The following TRIM2 variants were observed in gnomAD, a reference collection of about 807,000 sequenced individuals.
The protein encoded by TRIM2 is tripartite motif-containing protein 2.
Under a neutral mutation model 75.2 loss-of-function variants are expected in TRIM2, and 20 were observed. The ratio of observed to expected loss-of-function variants is 0.27; its 90% CI spans 0.19 to 0.39. TRIM2 has a LOEUF of 0.39. TRIM2 is among the 10% of genes least tolerant of loss of function. The probability of loss-of-function intolerance (pLI) is 1.00; values close to 1 mark genes in which losing one functional copy is unlikely to be tolerated. For synonymous variants in TRIM2, 373 were observed against 388.3 expected, an observed-to-expected ratio of 0.96 and a Z score of 0.46; for missense variants, 660 against 990.8, an observed-to-expected ratio of 0.67 and a Z score of 4.48.
intron 1 of TRIM2, among the ~76,000 whole-genome samples, chr4:153,190,901 C>T (rs1296290273): frequency 6.6e-6 from 1 of 152,012 alleles, no homozygotes; most frequent in Non-Finnish European, 1.5e-5. Flanking sequence ...TCATGCCCAG[C>T]CAATTTTTGT....
chr4:153,268,236 T>A (rs7694716), intron 1 of TRIM2, among the ~76,000 whole-genome samples: 79,404 of 151,710 alleles, frequency 0.52, 21,767 homozygotes, highest in African/African-American at 0.69. Flanking sequence ...TTAGGGAGGT[T>A]CAGACTCTTG....
Position 153,295,547 on chromosome 4 carries a change from A to G in TRIM2, c.1021A>G (p.Asn341Asp). 1 of 1,613,382 alleles carries G rather than the reference A, an allele frequency of 6.2e-7. No homozygotes were observed. The highest frequency in any genetic ancestry group is 8.5e-7 in the Non-Finnish European group (1 of 1,179,540). The stretch of plus-strand genomic sequence containing the variant: ...CGAGGGGCTGAAGAAGTCCATCCAC[A>G]ACCTCGGGACGATCTTAACCACCAA... ...ETEGLKKSIH[N>D]LGTILTTNAV... Residue 341 changes from asparagine (N) to aspartate (D), a missense_variant, in exon 6 of 12, where the codon AAC becomes GAC. Transcript: ENST00000338700. This position sits in a 1 kb window ranked among gnomAD's most constrained non-coding sequence, Gnocchi z 7.2.
At position 153,329,200 on chromosome 4, in the gene TRIM2, G is replaced by T. The variant is rs974620987; in HGVS notation, c.2163+530G>T. On this transcript the variant is annotated intron_variant, in intron 11 of 11. Coordinates refer to ENST00000338700, the MANE Select transcript of TRIM2 (RefSeq NM_015271.5). ...TAATTTTTAGAAGCACACACATATT[G>T]CTCTATCATAATTTAGTAATATTTC... Among the ~76,000 whole-genome samples, 4 of 151,934 alleles carry T rather than the reference G, an allele frequency of 2.6e-5. No individual in the cohort carries two copies. In the South Asian group the frequency reaches 8.3e-4, roughly 32 times the overall value.
intron 1 of TRIM2, among the ~76,000 whole-genome samples, chr4:153,193,335 G>A (rs1260111693): frequency 1.3e-5 from 2 of 151,948 alleles, no homozygotes; most frequent in African/African-American, 4.8e-5. Flanking sequence ...GTTTCACTGT[G>A]TTAGTTAGGA....
intron 6 of TRIM2, chr4:153,308,166 T>C (rs1765445116): frequency 7.7e-7 from 1 of 1,295,462 alleles, no homozygotes; most frequent in Non-Finnish European, 1.1e-6. Flanking sequence ...CACCCCAGCG[T>C]CATAGAGATC....
rs572073619 is a variant in TRIM2, at chr4:153,259,757, T to A, written c.31-10578T>A. Among the ~76,000 whole-genome samples the A allele has an allele frequency of 2.0e-5, 3 of 152,354 alleles. No homozygotes were observed. The East Asian group carries it at 5.8e-4, about 29-fold the overall frequency. On this transcript the variant is annotated intron_variant, in intron 1 of 11. Coordinates refer to ENST00000338700, the MANE Select transcript of TRIM2 (RefSeq NM_015271.5). ...TATAGGGTTGGCTATTAGGGTTTTC[T>A]GAATATTTTCATTGTGCAGATGGTC...
At chr4:153,303,312 AAT>A (rs562158356) in intron 6 of TRIM2, among the ~76,000 whole-genome samples, 84 of 141,578 alleles carry the variant, frequency 5.9e-4, no homozygotes, top group Non-Finnish European at 7.2e-4. Context: ...AAAAAAAAAA[AAT>A]ATATAAAAAT....
At chr4:153,183,157 C>T (rs992707290) in intron 1 of TRIM2, among the ~76,000 whole-genome samples, 2 of 152,224 alleles carry the variant, frequency 1.3e-5, no homozygotes, top group African/African-American at 2.4e-5. Context: ...TCCTCCAAGG[C>T]CTCTCATGTC....
At position 153,337,725 on chromosome 4, in the gene TRIM2, T is replaced by C; in HGVS notation, c.*2759T>C. On this transcript the variant is annotated 3_prime_UTR_variant, in exon 12 of 12. Coordinates refer to ENST00000338700, the MANE Select transcript of TRIM2 (RefSeq NM_015271.5). ...AGGATATTAAAATAAGTGGCTTTTT[T>C]CTGGGCTACCATTATTGTTTGATTT... 1 of 985,896 alleles carries C rather than the reference T, an allele frequency of 1.0e-6. No homozygotes were observed. The highest frequency in any genetic ancestry group is 4.7e-5 in the South Asian group (1 of 21,294). 61.1% of individuals were successfully genotyped at this position (985,896 alleles called of 1,614,324 possible).
chr4:153,229,245 ATTTT>A (rs1346354836), intron 1 of TRIM2, among the ~76,000 whole-genome samples: 2 of 152,060 alleles, frequency 1.3e-5, no homozygotes, highest in African/African-American at 2.4e-5. Flanking sequence ...AATATTCTGA[ATTTT>A]TTTGTTTCGT....
chr4:153,279,798 C>T (rs1758830054), intron 3 of TRIM2, among the ~76,000 whole-genome samples: 1 of 152,036 alleles, frequency 6.6e-6, no homozygotes, highest in South Asian at 2.1e-4. Context: ...CAAAAATTAG[C>T]TGGGCATGGT....
chr4:153,273,608 AT>A, intron 2 of TRIM2, among the ~76,000 whole-genome samples: 1 of 152,100 alleles, frequency 6.6e-6, no homozygotes, highest in Non-Finnish European at 1.5e-5. Flanking sequence ...AGTCACTCTT[AT>A]CCCACATCTT....
intron 6 of TRIM2, among the ~76,000 whole-genome samples, chr4:153,299,269 T>G (rs766403812): frequency 1.3e-5 from 2 of 152,174 alleles, no homozygotes; most frequent in Admixed American, 6.5e-5. Context: ...CCTGGCATAA[T>G]GTCCTCCAGG....
At chr4:153,276,184 G>T (rs749037373) in intron 3 of TRIM2, 54 bp downstream of exon 3, 24 of 1,420,546 alleles carry the variant, frequency 1.7e-5, no homozygotes, top group East Asian at 2.3e-5. Context: ...TGTGGCCTTG[G>T]GGAGGCTTTG....
intron 1 of TRIM2, among the ~76,000 whole-genome samples, chr4:153,193,372 C>T (rs908562355): frequency 6.6e-6 from 1 of 152,106 alleles, no homozygotes; most frequent in South Asian, 2.1e-4. Flanking sequence ...ACCTCGTGAT[C>T]CGCCCGCCTT....
At chr4:153,152,421 TATATATATACACAC>T (rs1728818050), upstream of TRIM2, 3 of 147,370 alleles carry the variant, frequency 2.0e-5, no homozygotes, top group African/African-American at 7.4e-5. Flanking sequence ...TATATATATA[TATATATATACACAC>T]ATATATATAT....
At chr4:153,153,822 C>A (rs1314003777) in intron 1 of TRIM2, among the ~76,000 whole-genome samples, 2 of 152,172 alleles carry the variant, frequency 1.3e-5, no homozygotes, top group African/African-American at 4.8e-5. Context: ...GATCTCAGCG[C>A]CTTTGGGATT....
intron 6 of TRIM2, among the ~76,000 whole-genome samples, chr4:153,313,374 T>A (rs138793193): frequency 2.0e-3 from 307 of 152,270 alleles, no homozygotes; most frequent in African/African-American, 7.1e-3. Flanking sequence ...CATGATTCAA[T>A]GAACTGACCA....
intron 1 of TRIM2, chr4:153,222,734 G>T (rs1233939096): frequency 3.9e-5 from 6 of 152,430 alleles, no homozygotes; most frequent in Admixed American, 3.9e-4. Flanking sequence ...TCAGAGTCCA[G>T]CCAGGAGGCC....
Sources: gnomAD v4.1 joint callset for allele counts (sites outside exome capture counted in the v4.1 genomes callset) on GRCh38, gnomAD v4.1.1 for gene constraint, Gnocchi (gnomAD v3.1) non-coding constraint, MANE v1.5 for transcripts, NCBI Gene and HGNC (gene_info 2026-07-23, HGNC 2026-07-21) for gene names.